The following PID1 variants were observed in gnomAD, a reference collection of about 807,000 sequenced individuals.
PID1 encodes the protein phosphotyrosine interaction domain containing 1, also known as PTB-containing, cubilin and LRP1-interacting protein.
PID1 carries 10 observed loss-of-function variants against 19.1 expected under a neutral mutation model. The ratio of observed to expected loss-of-function variants is 0.52; its 90% CI spans 0.32 to 0.89. PID1 has a LOEUF of 0.89. Among genes scored for constraint, PID1 ranks in the 40% least tolerant of loss-of-function variants. The pLI is 0.03. For missense variants in PID1, 248 were observed against 285.3 expected (o/e 0.87, Z 0.94); for synonymous variants, 130 against 116.0 (o/e 1.12, Z -0.78).
At chr2:229,130,642 G>T (rs934146029) in intron 2 of PID1, among the ~76,000 whole-genome samples, 4 of 152,056 alleles carry the variant, frequency 2.6e-5, no homozygotes, top group Admixed American at 1.3e-4. Flanking sequence ...CTCAATCCAT[G>T]TCTGTTCACC....
intron 2 of PID1, among the ~76,000 whole-genome samples, chr2:229,099,959 T>C (rs1014315317): frequency 6.6e-6 from 1 of 152,086 alleles, no homozygotes; most frequent in African/African-American, 2.4e-5. Flanking sequence ...GGAGATGGGG[T>C]CAAGGGGAGG....
chr2:229,184,972 CTA>C (rs1559275223), intron 1 of PID1, among the ~76,000 whole-genome samples: 3 of 37,892 alleles, frequency 7.9e-5, no homozygotes, highest in African/African-American at 4.5e-4. Context: ...CATATATATA[CTA>C]TATATATACT....
intron 2 of PID1, among the ~76,000 whole-genome samples, chr2:229,126,751 C>T (rs1488496025): frequency 1.3e-5 from 2 of 152,246 alleles, no homozygotes; most frequent in Non-Finnish European, 2.9e-5. Flanking sequence ...AATTTCTTCA[C>T]ATAATCCCAG....
At chr2:229,151,861 C>T (rs542270746) in intron 2 of PID1, among the ~76,000 whole-genome samples, 34 of 152,276 alleles carry the variant, frequency 2.2e-4, no homozygotes, top group Admixed American at 7.8e-4. Context: ...TGAGCCACCG[C>T]GCCCAGCTAT....
rs1692251927 is a variant in PID1 at position 229,233,170 on chromosome 2, T to C, written c.30+37844A>G. ...TTTAAATAAGATCTTTGTTAGAAAA[T>C]AAAAAATCAGAATGGTTAAAATTGC... On this transcript the variant is annotated intron_variant, in intron 1 of 2. Coordinates refer to ENST00000392055, the MANE Select transcript of PID1 (RefSeq NM_001100818.2). Among the ~76,000 whole-genome samples, 3 of 152,078 alleles carry C rather than the reference T, an allele frequency of 2.0e-5. 1 individual carries two copies. The highest frequency in any genetic ancestry group is 7.2e-5 in the African/African-American group (3 of 41,440).
At chr2:229,269,441 T>C (rs965590558) in intron 1 of PID1, among the ~76,000 whole-genome samples, 1 of 152,190 alleles carries the variant, frequency 6.6e-6, no homozygotes, top group Non-Finnish European at 1.5e-5. Flanking sequence ...AGGAAGAACT[T>C]GAATAGTCAA....
intron 1 of PID1, among the ~76,000 whole-genome samples, chr2:229,259,103 T>C (rs925138467): frequency 3.3e-5 from 5 of 150,090 alleles, no homozygotes; most frequent in Non-Finnish European, 7.4e-5. Context: ...TAGTGATACC[T>C]CATTATGATT....
At chr2:229,196,393 A>T (rs1316433407) in intron 1 of PID1, among the ~76,000 whole-genome samples, 1 of 152,108 alleles carries the variant, frequency 6.6e-6, no homozygotes, top group Admixed American at 6.6e-5. Flanking sequence ...TTTTTCAAAG[A>T]TAATCAAAGA....
At chr2:229,097,984 T>C (rs1559231668) in intron 2 of PID1, among the ~76,000 whole-genome samples, 1 of 152,172 alleles carries the variant, frequency 6.6e-6, no homozygotes, top group Non-Finnish European at 1.5e-5. Context: ...CTTCTAGAAT[T>C]TCTTAGGTCT....
chr2:229,139,146 A>AAGCAAGCAAGCAAGC, intron 2 of PID1, among the ~76,000 whole-genome samples: 1 of 109,034 alleles, frequency 9.2e-6, no homozygotes, highest in South Asian at 4.5e-4. Flanking sequence ...AGAAAGAAAG[A>AAGCAAGCAAGCAAGC]AAGCAAGCGA....
At chr2:229,197,065 A>G (rs1231931758) in intron 1 of PID1, among the ~76,000 whole-genome samples, 1 of 152,114 alleles carries the variant, frequency 6.6e-6, no homozygotes, top group Non-Finnish European at 1.5e-5. Flanking sequence ...AACTGTAACA[A>G]GCATGCCCTT....
Position 229,180,185 on chromosome 2 carries a change from A to G in PID1, c.31-24221T>C, listed in dbSNP as rs796179026. On this transcript the variant is annotated intron_variant, in intron 1 of 2. Transcript: ENST00000392055. ...TTTTCTAGAGTACCAGAAGTGATTG[A>G]TGTTTATAAGGTACACCTTAGGCAA... Among the ~76,000 whole-genome samples, 8 of 152,264 alleles carry G rather than the reference A, an allele frequency of 5.3e-5. 1 individual carries two copies. The highest frequency in any genetic ancestry group is 1.7e-4 in the African/African-American group (7 of 41,552).
intron 1 of PID1, among the ~76,000 whole-genome samples, chr2:229,264,765 C>T (rs991074709): frequency 6.6e-6 from 1 of 152,128 alleles, no homozygotes; most frequent in Non-Finnish European, 1.5e-5. Context: ...TATATTAAGT[C>T]CAACTTTGAA....
chr2:229,185,115 C>CCAT (rs1691099541), intron 1 of PID1, among the ~76,000 whole-genome samples: 3 of 69,764 alleles, frequency 4.3e-5, no homozygotes, highest in African/African-American at 1.7e-4. Context: ...ATATATATCC[C>CCAT]ATATATATAT....
intron 1 of PID1, among the ~76,000 whole-genome samples, chr2:229,228,572 T>G (rs1692133047): frequency 6.6e-6 from 1 of 152,202 alleles, no homozygotes; most frequent in South Asian, 2.1e-4. Context: ...CTGAAGAGTT[T>G]TAACAAATAG....
At chr2:229,109,985 G>A (rs192058381) in intron 2 of PID1, among the ~76,000 whole-genome samples, 33 of 152,254 alleles carry the variant, frequency 2.2e-4, no homozygotes, top group Non-Finnish European at 3.7e-4. Context: ...AGTAATTGGA[G>A]GAGTCACTCT....
chr2:229,224,626 G>T lies in PID1; in HGVS notation c.30+46388C>A, dbSNP rs1301693104. ...ACTTCTTTTACAATGGACCGTCATT[G>T]TTGGTAGGCTTTTCAAAATGGACAA... On this transcript the variant is annotated intron_variant, in intron 1 of 2. Coordinates refer to ENST00000392055, the MANE Select transcript of PID1 (RefSeq NM_001100818.2). Among the ~76,000 whole-genome samples the T allele has an allele frequency of 2.0e-5, 3 of 152,002 alleles. No individual in the cohort carries two copies. The East Asian group carries it at 5.8e-4, about 29-fold the overall frequency.
intron 1 of PID1, among the ~76,000 whole-genome samples, chr2:229,264,054 T>C (rs771128150): frequency 7.2e-5 from 11 of 152,196 alleles, no homozygotes; most frequent in Non-Finnish European, 1.6e-4. Context: ...AATGAGAGTC[T>C]GCTAGCAGCA....
At chr2:229,107,408 G>C (rs1695198828) in intron 2 of PID1, among the ~76,000 whole-genome samples, 1 of 151,410 alleles carries the variant, frequency 6.6e-6, no homozygotes, top group African/African-American at 2.4e-5. Flanking sequence ...ACAATGAAAT[G>C]GTTTGGGAAA....
Sources: gnomAD v4.1 joint callset for allele counts (sites outside exome capture counted in the v4.1 genomes callset) on GRCh38, gnomAD v4.1.1 for gene constraint, MANE v1.5 for transcripts, NCBI Gene and HGNC (gene_info 2026-07-23, HGNC 2026-07-21) for gene names.